Variants in TRABD2B observed in about 807,000 individuals in gnomAD.
TRABD2B encodes metalloprotease TIKI2.
In TRABD2B, 14 loss-of-function variants were observed where a neutral mutation model predicts 40.1. The ratio of observed to expected loss-of-function variants is 0.35; its 90% CI spans 0.23 to 0.55. TRABD2B has a LOEUF of 0.55. Ranked by LOEUF, TRABD2B falls within the 20% of genes least tolerant of loss-of-function variation. The probability of loss-of-function intolerance (pLI) is 0.90; values close to 1 mark genes in which losing one functional copy is unlikely to be tolerated. For synonymous variants in TRABD2B, 263 were observed against 277.0 expected (o/e 0.95, Z 0.50); for missense variants, 541 against 648.6 (o/e 0.83, Z 1.80).
intron 2 of TRABD2B, among the ~76,000 whole-genome samples, chr1:47,853,216 A>G (rs1329986547): frequency 6.6e-6 from 1 of 152,164 alleles, no homozygotes; most frequent in Non-Finnish European, 1.5e-5. Context: ...GAGCAAACAC[A>G]TATCCCTGGG....
At chr1:47,906,429 C>T (rs1644678743) in intron 2 of TRABD2B, among the ~76,000 whole-genome samples, 1 of 151,936 alleles carries the variant, frequency 6.6e-6, no homozygotes, top group Admixed American at 6.6e-5. Flanking sequence ...GGCTTTCTTG[C>T]ACCAAGCTCC....
intron 2 of TRABD2B, among the ~76,000 whole-genome samples, chr1:47,901,387 G>A (rs993076996): frequency 6.6e-6 from 1 of 152,316 alleles, no homozygotes; most frequent in Admixed American, 6.5e-5. Flanking sequence ...CCTTCCTAGG[G>A]AAGTCTGCTC....
chr1:47,910,164 T>C (rs962745663), intron 2 of TRABD2B, among the ~76,000 whole-genome samples: 1 of 151,940 alleles, frequency 6.6e-6, no homozygotes, highest in African/African-American at 2.4e-5. Flanking sequence ...CTGGCAGGGA[T>C]CATGTTTCAA....
At chr1:47,882,476 T>G (rs928040952) in intron 2 of TRABD2B, among the ~76,000 whole-genome samples, 6 of 152,212 alleles carry the variant, frequency 3.9e-5, no homozygotes, top group Non-Finnish European at 8.8e-5. Flanking sequence ...TGTTCTCAGC[T>G]CCATCTGGTG....
intron 2 of TRABD2B, among the ~76,000 whole-genome samples, chr1:47,981,703 G>A (rs756443054): frequency 1.8e-4 from 28 of 152,214 alleles, no homozygotes; most frequent in Non-Finnish European, 2.9e-4. Flanking sequence ...ATAAATGAAT[G>A]AACAGTTTAA....
At chr1:47,937,712 G>A (rs575360838) in intron 2 of TRABD2B, among the ~76,000 whole-genome samples, 33 of 152,280 alleles carry the variant, frequency 2.2e-4, no homozygotes, top group African/African-American at 7.5e-4. Flanking sequence ...AGGGTTCATG[G>A]AGGTGGGGCC....
intron 2 of TRABD2B, among the ~76,000 whole-genome samples, chr1:47,945,507 C>A (rs570324597): frequency 6.6e-6 from 1 of 152,152 alleles, no homozygotes; most frequent in Non-Finnish European, 1.5e-5. Flanking sequence ...CATGTACAGT[C>A]ATGTAACCAC....
At chr1:47,899,076 G>C (rs1267037100) in intron 2 of TRABD2B, among the ~76,000 whole-genome samples, 1 of 152,246 alleles carries the variant, frequency 6.6e-6, no homozygotes, top group Non-Finnish European at 1.5e-5. Flanking sequence ...CTGGATGTGA[G>C]ACCCTGGCCT....
chr1:47,965,036 A>G (rs1285052772), intron 2 of TRABD2B, among the ~76,000 whole-genome samples: 1 of 151,360 alleles, frequency 6.6e-6, no homozygotes, highest in Non-Finnish European at 1.5e-5. Context: ...TTGTTTAGAG[A>G]TGTACTAAGG....
intron 4 of TRABD2B, among the ~76,000 whole-genome samples, chr1:47,781,521 G>A (rs533404188): frequency 3.9e-5 from 6 of 152,308 alleles, no homozygotes; most frequent in South Asian, 4.1e-4. Context: ...TCTGGCCGGC[G>A]TTCCTATCCA....
chr1:47,818,769 G>A (rs187182079), intron 2 of TRABD2B: 1 of 152,362 alleles, frequency 6.6e-6, no homozygotes, highest in East Asian at 1.9e-4. Context: ...TCACAGGCGG[G>A]TGGAATGACA....
At chr1:47,793,943 G>C (rs1411799482) in intron 4 of TRABD2B, among the ~76,000 whole-genome samples, 1 of 152,160 alleles carries the variant, frequency 6.6e-6, no homozygotes, top group Non-Finnish European at 1.5e-5. Context: ...CATGTGTGAT[G>C]ATCACACTTA....
chr1:47,846,438 G>C (rs1223800641), intron 2 of TRABD2B, among the ~76,000 whole-genome samples: 2 of 152,222 alleles, frequency 1.3e-5, no homozygotes, highest in Admixed American at 1.3e-4. Context: ...GAAGGCCTGA[G>C]TTCCTAGCCT....
In TRABD2B at chr1:47,920,767, T is replaced by C. The variant is rs905106316; in HGVS notation, c.666+73267A>G. Among the ~76,000 whole-genome samples, 5 of 152,244 alleles carry C rather than the reference T, an allele frequency of 3.3e-5. No individual in the cohort carries two copies. The East Asian group carries it at 9.7e-4, about 29-fold the overall frequency. On this transcript the variant is annotated intron_variant, in intron 2 of 6. Coordinates refer to ENST00000606738, the MANE Select transcript of TRABD2B (RefSeq NM_001194986.2). ...TGTTTCTACAGTGCTGAGCACAGGG[T>C]TGCGTGCTTAACAGGTACTTCAGGA...
intron 2 of TRABD2B, among the ~76,000 whole-genome samples, chr1:47,983,469 C>G (rs988733136): frequency 6.6e-6 from 1 of 152,026 alleles, no homozygotes; most frequent in Non-Finnish European, 1.5e-5. Context: ...TGCACATGTA[C>G]CCCTGAACCT....
intron 2 of TRABD2B, among the ~76,000 whole-genome samples, chr1:47,979,184 A>G (rs1206737750): frequency 6.6e-6 from 1 of 151,050 alleles, no homozygotes; most frequent in Non-Finnish European, 1.5e-5. Flanking sequence ...AAATGTGGGA[A>G]CAATGCGGGA....
In TRABD2B at chr1:47,765,853, G is replaced by A. The variant is rs533724169; in HGVS notation, c.*49C>T. 311 of 702,858 alleles carry A rather than the reference G, an allele frequency of 4.4e-4. 1 individual carries two copies. The Admixed American group carries it at 5.9e-3, about 13-fold the overall frequency. The allele number at this position is 702,858 out of a possible 1,614,324, so 43.5% of individuals were successfully genotyped here. A position where few individuals can be genotyped will look rare whatever the true frequency, so the allele number is the denominator to read the frequency against. ...GTGGCAGGAGCAGTTGGGTGTGGCC[G>A]AAGACCCCTGTGTCATTTCTCTGGC... On this transcript the variant is annotated 3_prime_UTR_variant, in exon 7 of 7. Transcript: ENST00000606738.
At chr1:47,845,772 A>C (rs961989029) in intron 2 of TRABD2B, among the ~76,000 whole-genome samples, 1 of 152,240 alleles carries the variant, frequency 6.6e-6, no homozygotes, top group African/African-American at 2.4e-5. Context: ...TTGTATAATA[A>C]GGAATGTATT....
rs940472611 is a variant in TRABD2B, at chr1:47,766,192, G to C, written c.1350-86C>G. 5.9e-6 allele frequency: 4 copies of C among 675,960 alleles called. No homozygotes were observed. In the African/African-American group the frequency reaches 7.1e-5, roughly 12 times the overall value. The allele number at this position is 675,960 out of a possible 1,614,324, so 41.9% of individuals were successfully genotyped here. A position where few individuals can be genotyped will look rare whatever the true frequency, so the allele number is the denominator to read the frequency against. On this transcript the variant is annotated intron_variant, in intron 6 of 6. Coordinates refer to ENST00000606738, the MANE Select transcript of TRABD2B (RefSeq NM_001194986.2). ...TTGGGGCTCAGATCTGATTTTTTCA[G>C]GTCTATTTTGCCTAATACAATGGAG...
Sources: gnomAD v4.1 joint callset for allele counts (sites outside exome capture counted in the v4.1 genomes callset) on GRCh38, gnomAD v4.1.1 for gene constraint, MANE v1.5 for transcripts, NCBI Gene and HGNC (gene_info 2026-07-23, HGNC 2026-07-21) for gene names.